The following EIF4E2 variants were observed in gnomAD, a reference collection of about 807,000 sequenced individuals.
The protein encoded by EIF4E2 is eukaryotic translation initiation factor 4E type 2.
Under a neutral mutation model 34.2 loss-of-function variants are expected in EIF4E2, and 13 were observed. That is an observed-to-expected ratio of 0.38 (90% CI 0.25 to 0.60). The LOEUF (loss-of-function observed/expected upper bound fraction) is 0.60. Among genes scored for constraint, EIF4E2 ranks in the 20% least tolerant of loss-of-function variants. The pLI, the probability that EIF4E2 is intolerant of heterozygous loss-of-function variation, is 0.62. For synonymous variants in EIF4E2, 100 were observed against 106.6 expected (o/e 0.94, Z 0.38); for missense variants, 222 against 315.1 (o/e 0.70, Z 2.24).
chr2:232,567,561 T>G, intron 6 of EIF4E2: 3 of 1,227,488 alleles, frequency 2.4e-6, no homozygotes, highest in Non-Finnish European at 3.0e-6. Context: ...TTTAAGATAA[T>G]TTCACCCTGC....
Position 232,569,157 on chromosome 2 carries a change from A to T in EIF4E2, c.*140A>T. On this transcript the variant is annotated 3_prime_UTR_variant, in exon 7 of 7. Transcript: ENST00000258416. ...CATTTTATGTTTTAAGAACAGGCTG[A>T]CACGCAGCAGCTACAACAACAGCTG... The T allele has an allele frequency of 6.8e-7, 1 of 1,469,152 alleles. No individual in the cohort carries two copies. The highest frequency in any genetic ancestry group is 9.0e-7 in the Non-Finnish European group (1 of 1,111,558). 91.0% of individuals were successfully genotyped at this position (1,469,152 alleles called of 1,614,324 possible).
intron 2 of EIF4E2, chr2:232,557,577 C>T (rs1316710234): frequency 3.7e-6 from 1 of 273,120 alleles, no homozygotes. Flanking sequence ...AGTGATGAAT[C>T]TCATAGAGGA....
At chr2:232,556,848 T>C (rs1692541774) in intron 2 of EIF4E2, among the ~76,000 whole-genome samples, 1 of 152,166 alleles carries the variant, frequency 6.6e-6, no homozygotes, top group African/African-American at 2.4e-5. Context: ...TACATACCCC[T>C]TGAAATTGTA....
rs972412928 is a variant in EIF4E2 at position 232,566,409 on chromosome 2, C to T, written c.376-420C>T. Reference sequence around the variant, plus strand: ...GTTTCACCGTGTCAGCCAGGATGGTCTCGATCTCCTCACCTCGTGATTCGC... The same window carrying T: ...GTTTCACCGTGTCAGCCAGGATGGTTTCGATCTCCTCACCTCGTGATTCGC... On this transcript the variant is annotated intron_variant, in intron 4 of 6. Coordinates refer to ENST00000258416, the MANE Select transcript of EIF4E2 (RefSeq NM_004846.4). This position sits in a 1 kb window ranked among gnomAD's most constrained non-coding sequence, Gnocchi z 4.9. Among the ~76,000 whole-genome samples, 3 of 152,206 alleles carry T rather than the reference C, an allele frequency of 2.0e-5. No individual in the cohort carries two copies. Among genetic ancestry groups the T allele is most frequent in the African/African-American group, 7.2e-5 (3 of 41,450 alleles).
intron 6 of EIF4E2, chr2:232,580,793 T>C (rs1322160827): frequency 1.1e-6 from 1 of 938,470 alleles, no homozygotes; most frequent in African/African-American, 1.6e-5. Context: ...CCCCGGGATA[T>C]GTCATGGAGA....
Position 232,567,074 on chromosome 2 carries a change from G to C in EIF4E2, c.529-4G>C. 6.2e-7 allele frequency: 1 copy of C among 1,612,990 alleles called. No individual in the cohort carries two copies. Among genetic ancestry groups the C allele is most frequent in the Non-Finnish European group, 8.5e-7 (1 of 1,179,424 alleles). On this transcript the variant is annotated splice_polypyrimidine_tract_variant and splice_region_variant and intron_variant, in intron 5 of 6. Coordinates refer to ENST00000258416, the MANE Select transcript of EIF4E2 (RefSeq NM_004846.4). Reference sequence around the variant, plus strand: ...TTTGATGATTCCTTCTGTTCCTCTGGTAGGAAGACATTATTTCAATATGGA... The same window carrying C: ...TTTGATGATTCCTTCTGTTCCTCTGCTAGGAAGACATTATTTCAATATGGA...
intron 3 of EIF4E2, among the ~76,000 whole-genome samples, chr2:232,560,010 G>T (rs755131857): frequency 2.8e-4 from 43 of 152,048 alleles, no homozygotes; most frequent in Non-Finnish European, 1.3e-4. Context: ...TTAAATTCTC[G>T]AGTCAGTCAT....
chr2:232,575,383 C>CT (rs1481110344), intron 6 of EIF4E2, among the ~76,000 whole-genome samples: 3 of 109,302 alleles, frequency 2.7e-5, no homozygotes, highest in Non-Finnish European at 4.2e-5. Flanking sequence ...CCACCCATAC[C>CT]TTTTTTGTTT....
At chr2:232,575,418 A>C (rs895491000) in intron 6 of EIF4E2, among the ~76,000 whole-genome samples, 1 of 151,898 alleles carries the variant, frequency 6.6e-6, no homozygotes, top group Non-Finnish European at 1.5e-5. Context: ...CTTTATTATA[A>C]ATTCAGTCTT....
At chr2:232,561,690 G>A (rs1692728903) in intron 3 of EIF4E2, among the ~76,000 whole-genome samples, 1 of 152,156 alleles carries the variant, frequency 6.6e-6, no homozygotes, top group African/African-American at 2.4e-5. Flanking sequence ...AGAGTGACTA[G>A]GAAGGCATCA....
In EIF4E2 at chr2:232,550,744, C is replaced by T. The variant is rs1263897796; in HGVS notation, c.20C>T (p.Ala7Val). 23 of 1,583,286 alleles carry T rather than the reference C, an allele frequency of 1.5e-5. No individual in the cohort carries two copies. Among genetic ancestry groups the T allele is most frequent in the Non-Finnish European group, 2.0e-5 (23 of 1,166,726 alleles). The change falls in exon 1 of 7, where the codon GCT (alanine) becomes GTT (valine). Residue 7 changes from alanine (A) to valine (V), a missense_variant and splice_region_variant. By Grantham distance (64) the Ala-to-Val change is moderately conservative. Coordinates refer to ENST00000258416, the MANE Select transcript of EIF4E2 (RefSeq NM_004846.4). Reference protein sequence around the residue: MNNKFDALKDDDSGDHD... With the variant: MNNKFDVLKDDDSGDHD... Reference sequence around the variant, plus strand: ...GAGAGGATGAACAACAAGTTCGACGCGTGAGTGGCTCGTGGCCGCCCCCGG... The same window carrying T: ...GAGAGGATGAACAACAAGTTCGACGTGTGAGTGGCTCGTGGCCGCCCCCGG...
chr2:232,580,079 A>G (rs1448148690), intron 6 of EIF4E2, among the ~76,000 whole-genome samples: 1 of 131,384 alleles, frequency 7.6e-6, no homozygotes, highest in Non-Finnish European at 1.6e-5. Context: ...TCCCCCACAT[A>G]CATACCACAC....
At chr2:232,568,746 G>C in intron 6 of EIF4E2, 199 bp from the exon 7 acceptor site, 1 of 985,432 alleles carries the variant, frequency 1.0e-6, no homozygotes, top group Non-Finnish European at 1.2e-6. Context: ...GTTTAGGAGA[G>C]CCTGTGGGCT....
At chr2:232,563,732 T>C (rs929185579) in intron 3 of EIF4E2, among the ~76,000 whole-genome samples, 4 of 152,334 alleles carry the variant, frequency 2.6e-5, no homozygotes, top group Admixed American at 2.0e-4. Context: ...CTATCACTTA[T>C]GCTTACTAAC....
chr2:232,560,068 C>T (rs1190759435), intron 3 of EIF4E2, among the ~76,000 whole-genome samples: 3 of 152,150 alleles, frequency 2.0e-5, no homozygotes, highest in African/African-American at 7.2e-5. Context: ...AACTCAGGTA[C>T]AGAAGCTTCC....
At chr2:232,576,635 A>G (rs539232157) in intron 6 of EIF4E2, among the ~76,000 whole-genome samples, 18 of 152,244 alleles carry the variant, frequency 1.2e-4, no homozygotes, top group South Asian at 6.2e-4. Flanking sequence ...GTAGGGGGGA[A>G]AAATGAATTT....
intron 1 of EIF4E2, among the ~76,000 whole-genome samples, chr2:232,551,534 A>T (rs1012082754): frequency 6.6e-6 from 1 of 152,258 alleles, no homozygotes; most frequent in East Asian, 1.9e-4. Context: ...GAAAACCTGG[A>T]TTTCTAGTCC....
downstream of EIF4E2, among the ~76,000 whole-genome samples, chr2:232,569,403 G>A (rs1220330175): frequency 6.6e-6 from 1 of 152,144 alleles, no homozygotes; most frequent in Non-Finnish European, 1.5e-5. Flanking sequence ...ACATAATAAG[G>A]TGACATCTAG....
At chr2:232,560,534 G>C (rs1238011721) in intron 3 of EIF4E2, among the ~76,000 whole-genome samples, 2 of 152,146 alleles carry the variant, frequency 1.3e-5, no homozygotes, top group African/African-American at 4.8e-5. Flanking sequence ...CTTGTACTTT[G>C]GGAGGCCAAG....
Sources: allele counts gnomAD v4.1 joint callset (sites outside exome capture counted in the v4.1 genomes callset), GRCh38; gene constraint gnomAD v4.1.1; non-coding constraint Gnocchi (gnomAD v3.1); transcripts MANE v1.5; gene names NCBI Gene and HGNC (gene_info 2026-07-23, HGNC 2026-07-21).